The following DSC1 variants were observed in gnomAD, a reference collection of about 807,000 sequenced individuals.
DSC1 encodes desmocollin 1, also known as desmocollin-1.
DSC1 carries 79 observed loss-of-function variants against 98.8 expected under a neutral mutation model. That is an observed-to-expected ratio of 0.80 (90% CI 0.67 to 0.96). The LOEUF is 0.96. Ranked by LOEUF, DSC1 falls within the 50% of genes least tolerant of loss-of-function variation. DSC1 has a pLI of 0.00. For synonymous variants in DSC1, 405 were observed against 372.1 expected (o/e 1.09, Z -1.02); for missense variants, 1,115 against 1,075.9 (o/e 1.04, Z -0.51).
chr18:31,146,653 T>C (rs1988852863), intron 6 of DSC1, among the ~76,000 whole-genome samples: 2 of 152,124 alleles, frequency 1.3e-5, no homozygotes, highest in Admixed American at 1.3e-4. Flanking sequence ...GTTCTTTGAG[T>C]AATCTCCAAA....
intron 5 of DSC1, among the ~76,000 whole-genome samples, chr18:31,153,278 G>C (rs1175631863): frequency 6.6e-6 from 1 of 152,052 alleles, no homozygotes; most frequent in African/African-American, 2.4e-5. Flanking sequence ...ATCTCCTCAA[G>C]AGTGACTTCT....
chr18:31,139,269 T>C (rs1317548369), intron 11 of DSC1, among the ~76,000 whole-genome samples: 1 of 152,084 alleles, frequency 6.6e-6, no homozygotes, highest in Non-Finnish European at 1.5e-5. Context: ...TGTTTGACCA[T>C]TGCTTTATAA....
intron 15 of DSC1, 148 bp downstream of exon 15, chr18:31,131,446 T>G: frequency 9.1e-7 from 1 of 1,100,472 alleles, no homozygotes; most frequent in Admixed American, 2.8e-5. Flanking sequence ...TATCTTTGGG[T>G]TTAAACCAGA....
In DSC1 at chr18:31,149,057, A is replaced by G. The variant is rs112536017; in HGVS notation, c.628-415T>C. Among the ~76,000 whole-genome samples the G allele has an allele frequency of 1.9e-3, 290 of 152,280 alleles. 1 individual carries two copies. In the Middle Eastern group the frequency reaches 0.02, roughly 11 times the overall value. ...ACAACTATTTCAGGAACTCAATTAT[A>G]TGTTTTTTACCTATATTTTCTCATT... On this transcript the variant is annotated intron_variant, in intron 5 of 15. Transcript: ENST00000257198.
chr18:31,159,047 G>GTTTTGTTTTTTTTTT (rs1555646386), intron 2 of DSC1, among the ~76,000 whole-genome samples: 3 of 71,070 alleles, frequency 4.2e-5, no homozygotes, highest in Admixed American at 2.2e-4. Context: ...CTACTATGTG[G>GTTTTGTTTTTTTTTT]TTTTTTTTTT....
Position 31,143,685 on chromosome 18 carries a change from T to C in DSC1, c.1046A>G (p.Asp349Gly). Residue 349 changes from aspartate (D) to glycine (G), a missense_variant, in exon 8 of 16, where the codon GAC (aspartate) becomes GGC (glycine). By Grantham distance (94) the Asp-to-Gly change is moderately conservative. Transcript: ENST00000257198. ...TITISLEDEN[D>G]NPPSFTETSY... ...AGTTTCTGTGAAAGATGGTGGATTG[T>C]CATTTTCATCCTCAAGTGAAATAGT... The C allele has an allele frequency of 6.3e-7, 1 of 1,591,938 alleles. No homozygotes were observed. The highest frequency in any genetic ancestry group is 8.6e-7 in the Non-Finnish European group (1 of 1,168,454).
intron 11 of DSC1, among the ~76,000 whole-genome samples, chr18:31,135,797 T>C (rs1988598128): frequency 6.6e-6 from 1 of 152,172 alleles, no homozygotes; most frequent in African/African-American, 2.4e-5. Context: ...TGATAAGATA[T>C]CAAAATTGAA....
intron 5 of DSC1, among the ~76,000 whole-genome samples, chr18:31,151,805 A>T (rs556214976): frequency 9.8e-5 from 15 of 152,324 alleles, no homozygotes; most frequent in African/African-American, 3.6e-4. Context: ...TGGGTACAGA[A>T]TGTGAATTAA....
rs150991775 is a variant in DSC1, at chr18:31,143,734, C to T, written c.997G>A (p.Gly333Ser). 22 of 1,602,624 alleles carry T rather than the reference C, an allele frequency of 1.4e-5. No homozygotes were observed. Among genetic ancestry groups the T allele is most frequent in the African/African-American group, 1.1e-4 (8 of 74,434 alleles). Residue 333 changes from glycine to serine, a missense_variant, in exon 8 of 16, where the codon GGT becomes AGT. Gly to Ser is a moderately conservative substitution (Grantham distance 56, BLOSUM62 0). Coordinates refer to ENST00000257198, the MANE Select transcript of DSC1 (RefSeq NM_024421.2). ...EVRDMGGQPF[G>S]LFNTGTITIS... ...GTAATTGTTCCTGTATTAAATAAAC[C>T]GAAAGGCTGACCACCCATGTCTCGC...
rs1280474610 is a variant in DSC1 at position 31,140,336 on chromosome 18, T to C, written c.1261-35A>G. ...AAGCATACTTTAATAAGTCAATATA[T>C]AACATTATATATAAGACTTCTAATT... On this transcript the variant is annotated intron_variant, in intron 9 of 15. Coordinates refer to ENST00000257198, the MANE Select transcript of DSC1 (RefSeq NM_024421.2). 5.7e-6 allele frequency: 9 copies of C among 1,575,528 alleles called. No homozygotes were observed. In the Admixed American group the frequency reaches 1.2e-4, roughly 21 times the overall value.
In DSC1 at chr18:31,145,829, T is replaced by C. The variant is rs765107544; in HGVS notation, c.773-52A>G. The C allele has an allele frequency of 8.4e-6, 13 of 1,555,946 alleles. No individual in the cohort carries two copies. In the East Asian group the frequency reaches 2.7e-4, roughly 32 times the overall value. ...AAAATTTCTACTCATATAATTGAAT[T>C]ATAAACAAAATAAAATCAAGGCATT... On this transcript the variant is annotated intron_variant, in intron 6 of 15. Transcript: ENST00000257198.
chr18:31,157,532 ACCGG>A lies in DSC1; in HGVS notation c.186_189del (p.Arg63ProfsTer9). 1 of 1,614,220 alleles carries A rather than the reference ACCGG, an allele frequency of 6.2e-7. No individual in the cohort carries two copies. Among genetic ancestry groups the A allele is most frequent in the Non-Finnish European group, 8.5e-7 (1 of 1,180,032 alleles). On this transcript the variant is annotated frameshift_variant, in exon 3 of 16. Coordinates refer to ENST00000257198, the MANE Select transcript of DSC1 (RefSeq NM_024421.2). LOFTEE classifies it high-confidence loss of function. Reference sequence around the variant, plus strand: ...AGAATTCTGAAGGCAGGGTCACTGGACCGGATTAGGCTGGCCGACTTGAGACACT... The same window carrying A: ...AGAATTCTGAAGGCAGGGTCACTGGAATTAGGCTGGCCGACTTGAGACACT...
At chr18:31,141,239 C>T (rs1988728769) in intron 9 of DSC1, among the ~76,000 whole-genome samples, 1 of 151,476 alleles carries the variant, frequency 6.6e-6, no homozygotes, top group Non-Finnish European at 1.5e-5. Context: ...GGGGAAAAAA[C>T]CTAAGAACAA....
chr18:31,136,470 A>G (rs929039417), intron 11 of DSC1, among the ~76,000 whole-genome samples: 1 of 152,198 alleles, frequency 6.6e-6, no homozygotes, highest in Non-Finnish European at 1.5e-5. Flanking sequence ...CCCATAACTT[A>G]CTATTTTCTA....
Position 31,143,799 on chromosome 18 carries a change from A to G in DSC1, c.940-8T>C. 1 of 1,545,030 alleles carries G rather than the reference A, an allele frequency of 6.5e-7. No individual in the cohort carries two copies. Among genetic ancestry groups the G allele is most frequent in the Non-Finnish European group, 8.7e-7 (1 of 1,150,144 alleles). On this transcript the variant is annotated splice_region_variant and splice_polypyrimidine_tract_variant and intron_variant, in intron 7 of 15. Coordinates refer to ENST00000257198, the MANE Select transcript of DSC1 (RefSeq NM_024421.2). Reference sequence around the variant, plus strand: ...CTGGTAAGTATCACATTTCTGAAAAAAAGGAAAAAACTACATTAATGAACA... The same window carrying G: ...CTGGTAAGTATCACATTTCTGAAAAGAAGGAAAAAACTACATTAATGAACA...
chr18:31,142,473 C>T (rs534623506), intron 8 of DSC1, among the ~76,000 whole-genome samples: 3 of 152,204 alleles, frequency 2.0e-5, no homozygotes, highest in African/African-American at 7.2e-5. Context: ...CTCTGCACCT[C>T]TACAATATTT....
At chr18:31,146,206 G>A (rs531366893) in intron 6 of DSC1, among the ~76,000 whole-genome samples, 2 of 152,128 alleles carry the variant, frequency 1.3e-5, no homozygotes, top group Non-Finnish European at 2.9e-5. Context: ...ATGTGGTACC[G>A]AATACGTAGT....
intron 15 of DSC1, chr18:31,130,967 A>G: frequency 2.3e-6 from 2 of 876,226 alleles, no homozygotes; most frequent in Non-Finnish European, 3.4e-6. Context: ...ACACATTTAT[A>G]ATTTCCCATT....
intron 2 of DSC1, among the ~76,000 whole-genome samples, 157 bp downstream of exon 2, chr18:31,159,288 C>G (rs1317745375): frequency 6.7e-6 from 1 of 150,270 alleles, no homozygotes; most frequent in Non-Finnish European, 1.5e-5. Context: ...CTCCTGACCT[C>G]ATGATCCACC....
Sources: allele counts gnomAD v4.1 joint callset (sites outside exome capture counted in the v4.1 genomes callset), GRCh38; gene constraint gnomAD v4.1.1; transcripts MANE v1.5; gene names NCBI Gene and HGNC (gene_info 2026-07-23, HGNC 2026-07-21).